RBFOX1: variants seen among roughly 807,000 people sequenced by gnomAD.
The protein encoded by RBFOX1 is RNA binding protein fox-1 homolog 1.
A neutral mutation model predicts 57.7 loss-of-function variants in RBFOX1; 8 were observed. That is an observed-to-expected ratio of 0.14 (90% confidence interval 0.08 to 0.25). The LOEUF (loss-of-function observed/expected upper bound fraction) is 0.25. Ranked by LOEUF, RBFOX1 falls within the 10% of genes least tolerant of loss-of-function variation. RBFOX1 has a pLI of 1.00. For synonymous variants in RBFOX1, 326 were observed against 222.4 expected (o/e 1.47, Z -4.15); for missense variants, 611 against 548.5 (o/e 1.11, Z -1.14).
At chr16:5,584,579 GGAACTT>G (rs2083259001) in intron 2 of RBFOX1, among the ~76,000 whole-genome samples, 1 of 152,156 alleles carries the variant, frequency 6.6e-6, no homozygotes, top group Non-Finnish European at 1.5e-5. Flanking sequence ...TCTGTTTTCT[GGAACTT>G]TTCCCTTGCG....
At chr16:6,620,542 C>T (rs2098213953) in intron 2 of RBFOX1, among the ~76,000 whole-genome samples, 1 of 151,934 alleles carries the variant, frequency 6.6e-6, no homozygotes, top group Admixed American at 6.6e-5. Context: ...TTCAAAAGAT[C>T]AATGAATCCG....
intron 3 of RBFOX1, among the ~76,000 whole-genome samples, chr16:6,979,945 C>T (rs905457727): frequency 4.6e-5 from 7 of 152,130 alleles, no homozygotes; most frequent in African/African-American, 1.7e-4. Flanking sequence ...TGAGAGGTCT[C>T]TGGGGAAGCT....
At position 6,805,510 on chromosome 16, in the gene RBFOX1, C is replaced by T. The variant is rs189995930; in HGVS notation, c.-16+150860C>T. Among the ~76,000 whole-genome samples the T allele has an allele frequency of 5.9e-5, 9 of 152,200 alleles. No individual in the cohort carries two copies. In the East Asian group the frequency reaches 1.7e-3, roughly 29 times the overall value. ...ACATGAGTTTACCTATGTAATGAAC[C>T]TGTACATGTACCTCTGAGCCTAAAA... On this transcript the variant is annotated intron_variant, in intron 3 of 15. Transcript: ENST00000550418.
intron 1 of RBFOX1, among the ~76,000 whole-genome samples, chr16:5,321,482 G>A (rs1200905875): frequency 3.3e-5 from 5 of 152,086 alleles, no homozygotes; most frequent in African/African-American, 4.8e-5. Context: ...ACCATGCCTG[G>A]CTAATTTTTT....
At chr16:7,547,128 C>T (rs1601522222) in intron 5 of RBFOX1, among the ~76,000 whole-genome samples, 1 of 152,148 alleles carries the variant, frequency 6.6e-6, no homozygotes, top group African/African-American at 2.4e-5. Context: ...GGTTTCTAAA[C>T]AGCACTGGCT....
At chr16:6,675,553 G>A (rs986948514) in intron 3 of RBFOX1, among the ~76,000 whole-genome samples, 6 of 152,172 alleles carry the variant, frequency 3.9e-5, no homozygotes, top group Non-Finnish European at 7.3e-5. Flanking sequence ...TGGTGTGTTA[G>A]TCTGTTTTCA....
rs563154835 is a variant in RBFOX1, at chr16:6,025,535, C to T, written c.-127+5543C>T. Among the ~76,000 whole-genome samples, 5 of 152,272 alleles carry T rather than the reference C, an allele frequency of 3.3e-5. No homozygotes were observed. The East Asian group carries it at 9.7e-4, about 29-fold the overall frequency. On this transcript the variant is annotated intron_variant, in intron 1 of 15. Coordinates refer to ENST00000550418, the MANE Select transcript of RBFOX1 (RefSeq NM_018723.4). ...TGCCTGCATGAGCAGCCGCACCCTCCCACCACCACATCCTTTTGATGGCTT... is the reference window on the plus strand; with the variant it reads ...TGCCTGCATGAGCAGCCGCACCCTCTCACCACCACATCCTTTTGATGGCTT...
At chr16:5,314,329 G>C (rs1184641957) in intron 1 of RBFOX1, among the ~76,000 whole-genome samples, 1 of 152,142 alleles carries the variant, frequency 6.6e-6, no homozygotes. Context: ...GTGTGGAGAG[G>C]GGGAGTGGTA....
At position 6,873,753 on chromosome 16, in the gene RBFOX1, C is replaced by G. The variant is rs377657923; in HGVS notation, c.-15-178304C>G. 7 of 152,294 alleles carry G rather than the reference C, an allele frequency of 4.6e-5. 1 individual carries two copies. In the South Asian group the frequency reaches 6.2e-4, roughly 14 times the overall value. 9.4% of individuals were successfully genotyped at this position (152,294 alleles called of 1,614,324 possible). A position where few individuals can be genotyped will look rare whatever the true frequency, so the allele number is the denominator to read the frequency against. On this transcript the variant is annotated intron_variant, in intron 3 of 15. Coordinates refer to ENST00000550418, the MANE Select transcript of RBFOX1 (RefSeq NM_018723.4). ...GTCATCACCATGAAAATCAGATCCA[C>G]AAGTGTTATCTTGCTTAATTATTGC...
chr16:7,359,953 C>T (rs891967408), intron 4 of RBFOX1, among the ~76,000 whole-genome samples: 2 of 151,094 alleles, frequency 1.3e-5, no homozygotes, highest in Non-Finnish European at 1.5e-5. Context: ...CACTGCACTC[C>T]AGCCTGGGTG....
In RBFOX1 at chr16:5,675,575, C is replaced by T. The variant is rs917035704; in HGVS notation, c.318+76614C>T. ...GAAAACAAGGCATGGGGAAAACGAG[C>T]TGTTTATGTTTAAACATGGCAACGG... On this transcript the variant is annotated intron_variant, in intron 3 of 19. Coordinates refer to the RBFOX1 transcript ENST00000641259. Among the ~76,000 whole-genome samples, 5 of 152,216 alleles carry T rather than the reference C, an allele frequency of 3.3e-5. No homozygotes were observed. The East Asian group carries it at 9.6e-4, about 29-fold the overall frequency.
intron 2 of RBFOX1, among the ~76,000 whole-genome samples, 188 bp from the exon 3 acceptor site, chr16:6,654,415 T>C (rs1434832632): frequency 1.3e-5 from 2 of 152,212 alleles, no homozygotes; most frequent in East Asian, 1.9e-4. Flanking sequence ...CATATGTCTC[T>C]AATGCAAACA....
intron 1 of RBFOX1, among the ~76,000 whole-genome samples, chr16:5,282,841 G>C (rs925477336): frequency 2.6e-5 from 4 of 152,154 alleles, no homozygotes; most frequent in African/African-American, 9.7e-5. Context: ...AGAAAAATTC[G>C]ATCTGGCTGC....
chr16:6,508,329 T>G (rs1286652599), intron 2 of RBFOX1, among the ~76,000 whole-genome samples: 1 of 152,148 alleles, frequency 6.6e-6, no homozygotes, highest in Non-Finnish European at 1.5e-5. Context: ...AAGTTACCTA[T>G]GTAACAAACC....
chr16:6,255,635 C>T (rs537745891), intron 1 of RBFOX1, among the ~76,000 whole-genome samples: 1 of 152,044 alleles, frequency 6.6e-6, no homozygotes, highest in Non-Finnish European at 1.5e-5. Flanking sequence ...GAAGTGGTGC[C>T]TGTGGTCAAC....
intron 4 of RBFOX1, among the ~76,000 whole-genome samples, chr16:7,180,471 AGTCTACACCAC>A (rs2152518147): frequency 6.6e-6 from 1 of 152,234 alleles, no homozygotes; most frequent in South Asian, 2.1e-4. Context: ...GTTTTCAGAA[AGTCTACACCAC>A]GTTTATGCAC....
At chr16:6,609,309 A>T (rs904281684) in intron 2 of RBFOX1, among the ~76,000 whole-genome samples, 3 of 152,032 alleles carry the variant, frequency 2.0e-5, no homozygotes, top group African/African-American at 7.2e-5. Flanking sequence ...CTGTAGATGG[A>T]GAGGTTGACG....
chr16:5,944,691 AC>A (rs1197807684), intron 4 of RBFOX1, among the ~76,000 whole-genome samples: 1 of 150,796 alleles, frequency 6.6e-6, no homozygotes, highest in African/African-American at 2.4e-5. Flanking sequence ...GTGGTGGCTC[AC>A]GCCTGTAATC....
At chr16:6,965,496 C>G (rs1016093134) in intron 3 of RBFOX1, among the ~76,000 whole-genome samples, 1 of 152,058 alleles carries the variant, frequency 6.6e-6, no homozygotes, top group African/African-American at 2.4e-5. Flanking sequence ...GCCACCATGC[C>G]TGGCTAATTT....
Sources: gnomAD v4.1 joint callset for allele counts (sites outside exome capture counted in the v4.1 genomes callset) on GRCh38, gnomAD v4.1.1 for gene constraint, MANE v1.5 for transcripts, NCBI Gene and HGNC (gene_info 2026-07-23, HGNC 2026-07-21) for gene names.